The following BMPR1A variants were observed in gnomAD, a reference collection of about 807,000 sequenced individuals.
BMPR1A encodes the protein bone morphogenetic protein receptor type-1A.
A neutral mutation model predicts 66.0 loss-of-function variants in BMPR1A; 7 were observed. The observed-to-expected ratio is 0.11, with a 90% CI of 0.06 to 0.20. The LOEUF is 0.20. BMPR1A is among the 10% of genes least tolerant of loss of function. BMPR1A has a pLI of 1.00. For synonymous variants in BMPR1A, 200 were observed against 229.7 expected, an observed-to-expected ratio of 0.87 and a Z score of 1.17; for missense variants, 408 against 669.1, an observed-to-expected ratio of 0.61 and a Z score of 4.31.
chr10:86,863,021 C>T (rs567132172), intron 2 of BMPR1A, among the ~76,000 whole-genome samples: 59 of 151,730 alleles, frequency 3.9e-4, no homozygotes, highest in African/African-American at 1.4e-3. Context: ...GCTTTGTCGC[C>T]CAGGCTGGAA....
At position 86,848,638 on chromosome 10, in the gene BMPR1A, T is replaced by C. The variant is rs970829903; in HGVS notation, c.-153+9659T>C. On this transcript the variant is annotated intron_variant, in intron 2 of 12. Transcript: ENST00000372037. Reference sequence around the variant, plus strand: ...TGCCTTTGGTACCCATTCTTCCATCTCGGTTACACATAATATTCTTCTATT... The same window carrying C: ...TGCCTTTGGTACCCATTCTTCCATCCCGGTTACACATAATATTCTTCTATT... 5.9e-5 allele frequency among the ~76,000 whole-genome samples: 9 copies of C among 152,214 alleles called. No individual in the cohort carries two copies. The East Asian group carries it at 9.6e-4, about 16-fold the overall frequency.
chr10:86,886,929 C>T (rs1023192013), intron 3 of BMPR1A, among the ~76,000 whole-genome samples: 1 of 148,338 alleles, frequency 6.7e-6, no homozygotes, highest in African/African-American at 2.5e-5. Flanking sequence ...CCTCCCAGGT[C>T]AAGTGATTGT....
chr10:86,851,273 G>A (rs1350967245), intron 2 of BMPR1A, among the ~76,000 whole-genome samples: 1 of 152,040 alleles, frequency 6.6e-6, no homozygotes, highest in Non-Finnish European at 1.5e-5. Context: ...ATGGTTTTAT[G>A]GTTGGTTTAA....
rs7180 is a variant in BMPR1A at position 86,927,799 on chromosome 10, G to A, written c.*4080G>A. ...TAAAAGCAAGCAGTTTTATCAGGCA[G>A]TTGTAAAACACCAAAAATATAGATT... On this transcript the variant is annotated 3_prime_UTR_variant, in exon 13 of 13. Transcript: ENST00000372037. The A allele has an allele frequency of 0.5, 99,783 of 198,492 alleles. 28,275 individuals are homozygous for A. The highest frequency in any genetic ancestry group is 0.8 in the East Asian group (10,168 of 12,714). The allele number at this position is 198,492 out of a possible 1,614,324, so 12.3% of individuals were successfully genotyped here.
chr10:86,847,987 A>C (rs1842510218), intron 2 of BMPR1A, among the ~76,000 whole-genome samples: 1 of 151,432 alleles, frequency 6.6e-6, no homozygotes, highest in African/African-American at 2.4e-5. Flanking sequence ...GTTGGAGTAC[A>C]GTGGTGCCAT....
rs893936085 is a variant in BMPR1A, at chr10:86,918,152, C to T, written c.868+826C>T. Among the ~76,000 whole-genome samples the T allele has an allele frequency of 4.6e-5, 7 of 152,334 alleles. No homozygotes were observed. The East Asian group carries it at 1.3e-3, about 29-fold the overall frequency. On this transcript the variant is annotated intron_variant, in intron 9 of 12. Coordinates refer to ENST00000372037, the MANE Select transcript of BMPR1A (RefSeq NM_004329.3). ...CCTTCTCCCTGGGTGCCTGGGTCCA[C>T]ATTTCCACCTTACAACATCACCAGC...
intron 1 of BMPR1A, among the ~76,000 whole-genome samples, chr10:86,758,367 ATTTTTT>A (rs200528013): frequency 2.1e-5 from 3 of 141,012 alleles, no homozygotes; most frequent in Admixed American, 1.4e-4. Context: ...AAGAGGGAGA[ATTTTTT>A]TTTTTTTTTT....
In BMPR1A at chr10:86,897,247, A is replaced by G. The variant is rs1384460432; in HGVS notation, c.334-2547A>G. On this transcript the variant is annotated intron_variant, in intron 5 of 12. Coordinates refer to ENST00000372037, the MANE Select transcript of BMPR1A (RefSeq NM_004329.3). ...GTAAATTTGTTTCCCACAAAAATTC[A>G]TATTCCCCACATAAGTCTAGAAATA... Among the ~76,000 whole-genome samples, 5 of 152,354 alleles carry G rather than the reference A, an allele frequency of 3.3e-5. No individual in the cohort carries two copies. In the East Asian group the frequency reaches 7.7e-4, roughly 23 times the overall value.
chr10:86,865,018 T>A (rs532677603), intron 2 of BMPR1A, among the ~76,000 whole-genome samples: 3 of 152,278 alleles, frequency 2.0e-5, no homozygotes, highest in South Asian at 4.2e-4. Flanking sequence ...ACTATTTTGT[T>A]TTATTTTTCC....
At chr10:86,899,439 T>A (rs2133451229) in intron 5 of BMPR1A, among the ~76,000 whole-genome samples, 1 of 152,354 alleles carries the variant, frequency 6.6e-6, no homozygotes, top group South Asian at 2.1e-4. Context: ...GCCTTTTCTT[T>A]GGACTACGAC....
intron 6 of BMPR1A, 26 bp downstream of exon 6, chr10:86,899,916 C>G: frequency 6.2e-7 from 1 of 1,610,932 alleles, no homozygotes; most frequent in Admixed American, 1.7e-5. Flanking sequence ...AAAGTCGGAG[C>G]ATGCTTCTCA....
intron 2 of BMPR1A, among the ~76,000 whole-genome samples, chr10:86,848,892 C>T (rs2354355): frequency 6.6e-6 from 1 of 151,962 alleles, no homozygotes; most frequent in Non-Finnish European, 1.5e-5. Flanking sequence ...TTTTATCAGC[C>T]CCCCCTCTAT....
chr10:86,852,156 G>A (rs1038304797), intron 2 of BMPR1A, among the ~76,000 whole-genome samples: 1 of 151,312 alleles, frequency 6.6e-6, no homozygotes, highest in African/African-American at 2.4e-5. Context: ...CACACGTGGA[G>A]TGTTTTATGA....
intron 2 of BMPR1A, among the ~76,000 whole-genome samples, chr10:86,841,604 C>A (rs909430352): frequency 6.6e-6 from 1 of 152,122 alleles, no homozygotes; most frequent in Non-Finnish European, 1.5e-5. Flanking sequence ...GTTTTTGATG[C>A]CATTTCCTGG....
intron 1 of BMPR1A, among the ~76,000 whole-genome samples, chr10:86,826,718 T>A (rs1842200886): frequency 6.6e-6 from 1 of 152,038 alleles, no homozygotes; most frequent in South Asian, 2.1e-4. Flanking sequence ...TGTATAATAG[T>A]TTAGTATTTG....
At chr10:86,847,181 G>A (rs11814254) in intron 2 of BMPR1A, among the ~76,000 whole-genome samples, 10,132 of 152,128 alleles carry the variant, frequency 0.067, 782 homozygotes, top group African/African-American at 0.19. Context: ...AGATGCAGAC[G>A]GTGGTTTGGG....
chr10:86,853,426 G>A (rs1327193354), intron 2 of BMPR1A, among the ~76,000 whole-genome samples: 1 of 152,044 alleles, frequency 6.6e-6, no homozygotes, highest in Non-Finnish European at 1.5e-5. Flanking sequence ...ATTTACTAGG[G>A]GCAAATTTCA....
chr10:86,781,199 A>G (rs1297739302), intron 1 of BMPR1A, among the ~76,000 whole-genome samples: 6 of 152,022 alleles, frequency 3.9e-5, no homozygotes, highest in Non-Finnish European at 7.4e-5. Flanking sequence ...TTTTGAGTTG[A>G]TTTTTGTATA....
intron 1 of BMPR1A, among the ~76,000 whole-genome samples, chr10:86,825,473 TTG>T (rs34683915): frequency 0.42 from 62,648 of 148,528 alleles, 13,737 homozygotes; most frequent in East Asian, 0.74. Flanking sequence ...CTTTTTTTGT[TTG>T]TGTGTGTGTG....
Sources: allele counts gnomAD v4.1 joint callset (sites outside exome capture counted in the v4.1 genomes callset), GRCh38; gene constraint gnomAD v4.1.1; transcripts MANE v1.5; gene names NCBI Gene and HGNC (gene_info 2026-07-23, HGNC 2026-07-21).